The following CIMIP3 variants were observed in gnomAD, a reference collection of about 807,000 sequenced individuals.
CIMIP3 encodes GUCA1A neighbor.
the CIMIP3 span, among the ~76,000 whole-genome samples, chr6:42,157,558 T>TTC: frequency 1.4e-5 from 2 of 147,000 alleles, no homozygotes; most frequent in African/African-American, 5.0e-5. Flanking sequence ...TCTTTTTTCT[T>TTC]TTTTTTTTTT....
chr6:42,160,861 G>T, the CIMIP3 span, among the ~76,000 whole-genome samples: 1 of 152,226 alleles, frequency 6.6e-6, no homozygotes. Flanking sequence ...GAAAGCCCTG[G>T]ACAAGTTTGG....
the CIMIP3 span, among the ~76,000 whole-genome samples, chr6:42,161,057 G>A: frequency 5.3e-5 from 8 of 152,052 alleles, no homozygotes; most frequent in African/African-American, 1.2e-4. Flanking sequence ...GTGTGGTGGC[G>A]CATGCCTGTA....
the CIMIP3 span, among the ~76,000 whole-genome samples, chr6:42,156,653 G>A: frequency 2.3e-3 from 356 of 152,306 alleles, 1 homozygote; most frequent in Non-Finnish European, 3.6e-3. Flanking sequence ...TGAGAGTAAT[G>A]ACTATTTGCA....
At chr6:42,159,921 G>A in the CIMIP3 span, among the ~76,000 whole-genome samples, 3 of 152,214 alleles carry the variant, frequency 2.0e-5, no homozygotes, top group Non-Finnish European at 4.4e-5. Context: ...AAGGGTTAAT[G>A]TGAGGATTAG....
chr6:42,159,165 A>G, the CIMIP3 span, among the ~76,000 whole-genome samples: 3 of 152,200 alleles, frequency 2.0e-5, no homozygotes, highest in African/African-American at 7.2e-5. Context: ...CTCAGGGGAC[A>G]TTGGGCGATG....
At chr6:42,155,682 T>G in the CIMIP3 span, 7 of 713,674 alleles carry the variant, frequency 9.8e-6, no homozygotes, top group Non-Finnish European at 1.8e-5. Flanking sequence ...CTCTGCGATC[T>G]CTCTGGGGAG....
chr6:42,159,432 T>C, the CIMIP3 span, among the ~76,000 whole-genome samples: 1 of 152,336 alleles, frequency 6.6e-6, no homozygotes. Flanking sequence ...AATGAACGAA[T>C]GAAGCAACTC....
the CIMIP3 span, among the ~76,000 whole-genome samples, chr6:42,160,910 C>T: frequency 7.1e-3 from 1,087 of 152,298 alleles, 14 homozygotes; most frequent in African/African-American, 0.024. Flanking sequence ...CAGAGGAGGC[C>T]GGGTGAAGTG....
chr6:42,156,813 T>G, the CIMIP3 span, among the ~76,000 whole-genome samples: 2 of 152,150 alleles, frequency 1.3e-5, no homozygotes, highest in Non-Finnish European at 2.9e-5. Context: ...AAGAACAGGG[T>G]CAGGCCCAGA....
the CIMIP3 span, among the ~76,000 whole-genome samples, chr6:42,159,051 G>A: frequency 3.9e-5 from 6 of 152,180 alleles, no homozygotes; most frequent in African/African-American, 9.7e-5. Flanking sequence ...AACCTAAGCC[G>A]CTTCTTGCAG....
At chr6:42,155,838 T>G in the CIMIP3 span, among the ~76,000 whole-genome samples, 1 of 152,176 alleles carries the variant, frequency 6.6e-6, no homozygotes, top group East Asian at 1.9e-4. Flanking sequence ...GTTTGAGTGC[T>G]TAAGAGGTCT....
the CIMIP3 span, chr6:42,155,476 G>A: frequency 1.4e-6 from 1 of 708,146 alleles, no homozygotes; most frequent in Non-Finnish European, 2.6e-6. Flanking sequence ...CCTGGTCCAG[G>A]ATGTGCAAGG....
chr6:42,157,556 C>CTTT, the CIMIP3 span, among the ~76,000 whole-genome samples: 543 of 143,818 alleles, frequency 3.8e-3, 4 homozygotes, highest in African/African-American at 0.012. Flanking sequence ...GCTCTTTTTT[C>CTTT]TTTTTTTTTT....
chr6:42,161,862 G>A, the CIMIP3 span, among the ~76,000 whole-genome samples: 1 of 152,148 alleles, frequency 6.6e-6, no homozygotes, highest in Non-Finnish European at 1.5e-5. Context: ...AGGCTGTTAT[G>A]TCAAGGGTAA....
chr6:42,156,388 C>A, the CIMIP3 span, among the ~76,000 whole-genome samples: 1 of 150,808 alleles, frequency 6.6e-6, no homozygotes, highest in Non-Finnish European at 1.5e-5. Flanking sequence ...CTTTTGAGCT[C>A]AAGCAATCCT....
At chr6:42,163,274 A>G in the CIMIP3 span, 2 of 537,480 alleles carry the variant, frequency 3.7e-6, no homozygotes, top group East Asian at 6.3e-5. Context: ...GAAGCCCCCG[A>G]CCCTTCACCC....
chr6:42,158,897 G>T, the CIMIP3 span, among the ~76,000 whole-genome samples: 3 of 152,328 alleles, frequency 2.0e-5, no homozygotes, highest in South Asian at 6.2e-4. Flanking sequence ...AGATGGCCAA[G>T]AGGCTGATGC....
At chr6:42,158,414 C>A in the CIMIP3 span, among the ~76,000 whole-genome samples, 1 of 152,192 alleles carries the variant, frequency 6.6e-6, no homozygotes. Context: ...AGGGCTTCAT[C>A]CCTGGATGTT....
the CIMIP3 span, chr6:42,163,373 C>T: frequency 1.2e-5 from 5 of 417,868 alleles, no homozygotes; most frequent in Non-Finnish European, 2.1e-5. Flanking sequence ...CTGTGCCATG[C>T]CCACCTATTG....
Sources: gnomAD v4.1 joint callset for allele counts (sites outside exome capture counted in the v4.1 genomes callset) on GRCh38, gnomAD v4.1.1 for gene constraint, MANE v1.5 for transcripts, NCBI Gene and HGNC (gene_info 2026-07-23, HGNC 2026-07-21) for gene names.